KALRN: variants seen among roughly 807,000 people sequenced by gnomAD.
KALRN encodes the protein kalirin RhoGEF kinase.
KALRN carries 70 observed loss-of-function variants against 353.7 expected under a neutral mutation model. The ratio of observed to expected loss-of-function variants is 0.20; its 90% CI spans 0.16 to 0.24. The LOEUF is 0.24. Ranked by LOEUF, KALRN falls within the 10% of genes least tolerant of loss-of-function variation. KALRN has a pLI of 1.00. For missense variants in KALRN, 2,791 were observed against 3,756.7 expected, an observed-to-expected ratio of 0.74 and a Z score of 6.72; for synonymous variants, 1,391 against 1,434.8, an observed-to-expected ratio of 0.97 and a Z score of 0.69.
intron 34 of KALRN, among the ~76,000 whole-genome samples, chr3:124,603,333 C>T (rs2077004527): frequency 6.6e-6 from 1 of 152,206 alleles, no homozygotes; most frequent in South Asian, 2.1e-4. Flanking sequence ...TTCTACCTGC[C>T]TCCTCCTGGT....
At chr3:124,495,965 G>GTATATATATATATATATATATA (rs768441029) in intron 32 of KALRN, among the ~76,000 whole-genome samples, 3 of 41,472 alleles carry the variant, frequency 7.2e-5, no homozygotes, top group Admixed American at 3.1e-4. Context: ...GTGTATGTAT[G>GTATATATATATATATATATATA]TATATATATA....
chr3:124,444,037 G>A (rs1379594113), intron 19 of KALRN, among the ~76,000 whole-genome samples: 1 of 152,060 alleles, frequency 6.6e-6, no homozygotes, highest in Admixed American at 6.6e-5. Flanking sequence ...GCTTTTTTAT[G>A]CTGCTGGTTG....
At chr3:124,315,205 A>G (rs1029645657) in intron 6 of KALRN, among the ~76,000 whole-genome samples, 3 of 151,748 alleles carry the variant, frequency 2.0e-5, no homozygotes, top group African/African-American at 7.3e-5. Context: ...TTTAATCCCT[A>G]CTCCTTGCTC....
chr3:124,644,362 A>G (rs2150018912), intron 37 of KALRN, among the ~76,000 whole-genome samples: 1 of 152,184 alleles, frequency 6.6e-6, no homozygotes, highest in East Asian at 1.9e-4. Context: ...GTTCCAGGAT[A>G]CATGTGCAGA....
chr3:124,596,185 G>GAAAA (rs5852417), intron 34 of KALRN, among the ~76,000 whole-genome samples: 1 of 136,134 alleles, frequency 7.3e-6, no homozygotes. Flanking sequence ...CCATCTTAAA[G>GAAAA]AAAAAAAAAA....
intron 33 of KALRN, among the ~76,000 whole-genome samples, chr3:124,524,715 G>A (rs2067444964): frequency 6.6e-6 from 1 of 152,194 alleles, no homozygotes; most frequent in Admixed American, 6.5e-5. Context: ...GTATGTATGT[G>A]CATATAGGTA....
At chr3:124,151,345 G>A (rs577794013) in intron 1 of KALRN, among the ~76,000 whole-genome samples, 1 of 152,128 alleles carries the variant, frequency 6.6e-6, no homozygotes, top group Admixed American at 6.5e-5. Context: ...CCAATATTTG[G>A]TATTATTTGT....
In KALRN at chr3:124,276,519, AC is replaced by A. The variant is rs538022662; in HGVS notation, c.969+7267del. Among the ~76,000 whole-genome samples, 21 of 152,200 alleles carry A rather than the reference AC, an allele frequency of 1.4e-4. No individual in the cohort carries two copies. In the East Asian group the frequency reaches 4.1e-3, roughly 29 times the overall value. On this transcript the variant is annotated intron_variant, in intron 5 of 59. Coordinates refer to ENST00000682506, the MANE Select transcript of KALRN (RefSeq NM_001388419.1). ...CCTGCTGCTTCTACTTCCCTGGTGG[AC>A]CCTGGCCCACTGTCTCTTCTCTTCC...
At chr3:124,399,961 G>A (rs1427380612) in intron 13 of KALRN, among the ~76,000 whole-genome samples, 2 of 152,098 alleles carry the variant, frequency 1.3e-5, no homozygotes, top group Non-Finnish European at 2.9e-5. Flanking sequence ...TTAAATTAAA[G>A]GCATGTCTTC....
intron 32 of KALRN, among the ~76,000 whole-genome samples, chr3:124,493,523 C>CT (rs2063389898): frequency 6.6e-6 from 1 of 152,154 alleles, no homozygotes; most frequent in South Asian, 2.1e-4. Context: ...TACAATGACT[C>CT]TTTTGGGGGA....
At chr3:124,181,145 G>C (rs2073541669) in intron 1 of KALRN, among the ~76,000 whole-genome samples, 6 of 149,296 alleles carry the variant, frequency 4.0e-5, no homozygotes, top group Admixed American at 4.0e-4. Flanking sequence ...TAGCTACTCG[G>C]GAGGCTGTTA....
chr3:124,304,296 A>AT (rs1476799581), intron 6 of KALRN, among the ~76,000 whole-genome samples: 1 of 152,128 alleles, frequency 6.6e-6, no homozygotes, highest in Non-Finnish European at 1.5e-5. Context: ...TTTTAGTATA[A>AT]TTTTTTGTCA....
At chr3:124,463,770 G>T (rs1326603322) in intron 25 of KALRN, among the ~76,000 whole-genome samples, 1 of 152,146 alleles carries the variant, frequency 6.6e-6, no homozygotes, top group South Asian at 2.1e-4. Context: ...ATAAGGGGTG[G>T]AAAGTCACTC....
chr3:124,161,905 AC>A (rs1410571147), intron 1 of KALRN, among the ~76,000 whole-genome samples: 35 of 152,222 alleles, frequency 2.3e-4, no homozygotes, highest in Admixed American at 6.5e-5. Context: ...AAAGATAGAT[AC>A]CTTTTGGATT....
intron 34 of KALRN, among the ~76,000 whole-genome samples, chr3:124,615,485 C>T (rs2078479030): frequency 6.6e-6 from 1 of 152,096 alleles, no homozygotes; most frequent in Non-Finnish European, 1.5e-5. Context: ...ACTAAAGTAT[C>T]TGGGAATAAA....
intron 33 of KALRN, among the ~76,000 whole-genome samples, chr3:124,513,649 T>G (rs2066200431): frequency 6.6e-6 from 1 of 152,202 alleles, no homozygotes; most frequent in South Asian, 2.1e-4. Flanking sequence ...AACAAGTATT[T>G]TCCAGGATGT....
intron 5 of KALRN, among the ~76,000 whole-genome samples, chr3:124,285,344 C>T (rs868489717): frequency 6.6e-6 from 1 of 152,100 alleles, no homozygotes; most frequent in African/African-American, 2.4e-5. Context: ...GTTAAAACTA[C>T]ACTACCCAAC....
intron 1 of KALRN, among the ~76,000 whole-genome samples, chr3:124,158,468 G>A (rs2069360787): frequency 6.6e-6 from 1 of 152,206 alleles, no homozygotes; most frequent in Non-Finnish European, 1.5e-5. Flanking sequence ...CTGAGATGGT[G>A]ATTCTGTCCT....
At chr3:124,680,448 A>T (rs1007258657) in intron 51 of KALRN, among the ~76,000 whole-genome samples, 1 of 152,226 alleles carries the variant, frequency 6.6e-6, no homozygotes, top group Non-Finnish European at 1.5e-5. Context: ...TCATTCAGAG[A>T]ATGTTTTTCT....
Sources: gnomAD v4.1 joint callset for allele counts (sites outside exome capture counted in the v4.1 genomes callset) on GRCh38, gnomAD v4.1.1 for gene constraint, MANE v1.5 for transcripts, NCBI Gene and HGNC (gene_info 2026-07-23, HGNC 2026-07-21) for gene names.